Variants in C12orf75 observed in about 807,000 individuals in gnomAD.
C12orf75 encodes the protein chromosome 12 open reading frame 75.
In C12orf75, 4 loss-of-function variants were observed where a neutral mutation model predicts 11.4. That is an observed-to-expected ratio of 0.35 (90% CI 0.17 to 0.80). The LOEUF (loss-of-function observed/expected upper bound fraction) is 0.80, where lower values mean the gene tolerates loss of function less well. Among genes scored for constraint, C12orf75 ranks in the 30% least tolerant of loss-of-function variants. C12orf75 has a pLI of 0.52. For missense variants in C12orf75, 89 were observed against 80.4 expected (o/e 1.11, Z -0.41); for synonymous variants, 30 against 30.0 (o/e 1.00, Z 0.00).
chr12:105,356,956 G>A (rs893029976), intron 2 of C12orf75, among the ~76,000 whole-genome samples: 6 of 152,120 alleles, frequency 3.9e-5, no homozygotes, highest in Non-Finnish European at 8.8e-5. Flanking sequence ...TTTTAAATAG[G>A]CATGCAAAAA....
chr12:105,370,410 G>A (rs1218381527), intron 5 of C12orf75, among the ~76,000 whole-genome samples: 1 of 152,190 alleles, frequency 6.6e-6, no homozygotes, highest in African/African-American at 2.4e-5. Context: ...TTAATTGTAA[G>A]TTTGTAAGTC....
chr12:105,352,216 G>A (rs766899403), intron 2 of C12orf75, among the ~76,000 whole-genome samples: 51 of 152,308 alleles, frequency 3.3e-4, no homozygotes, highest in Non-Finnish European at 5.0e-4. Context: ...AAGTCATTGC[G>A]TGTGTCATGA....
intron 1 of C12orf75, among the ~76,000 whole-genome samples, chr12:105,340,519 C>T (rs997266750): frequency 2.6e-5 from 4 of 151,164 alleles, no homozygotes; most frequent in Non-Finnish European, 5.9e-5. Flanking sequence ...CCGTTTGTGT[C>T]GTGCATGATA....
At position 105,352,841 on chromosome 12, in the gene C12orf75, C is replaced by T. The variant is rs117704700; in HGVS notation, c.71+4215C>T. Among the ~76,000 whole-genome samples the T allele has an allele frequency of 3.1e-3, 470 of 152,278 alleles. 2 individuals carry two copies. The highest frequency in any genetic ancestry group is 0.013 in the South Asian group (61 of 4,818). On this transcript the variant is annotated intron_variant, in intron 2 of 5. Coordinates refer to ENST00000443585, the MANE Select transcript of C12orf75 (RefSeq NM_001145199.2). ...AAGCATGGTTGACAATGTCTAGAAA[C>T]TTAATCACCATAAGAAAAAGCCTAC...
At chr12:105,368,550 C>T (rs764033422) in intron 5 of C12orf75, among the ~76,000 whole-genome samples, 1 of 152,192 alleles carries the variant, frequency 6.6e-6, no homozygotes, top group Non-Finnish European at 1.5e-5. Context: ...TCATCGTCAT[C>T]ACCACCATAC....
chr12:105,333,156 G>A (rs533045937), intron 1 of C12orf75, among the ~76,000 whole-genome samples: 1 of 152,338 alleles, frequency 6.6e-6, no homozygotes, highest in Admixed American at 6.5e-5. Flanking sequence ...ATATGCCCTT[G>A]TCTTGGAGAA....
chr12:105,367,930 C>G (rs1022111274), intron 5 of C12orf75, among the ~76,000 whole-genome samples: 5 of 152,062 alleles, frequency 3.3e-5, no homozygotes, highest in Non-Finnish European at 7.4e-5. Flanking sequence ...TGTGTCAGTA[C>G]CAGAACTCCA....
intron 5 of C12orf75, 72 bp downstream of exon 5, chr12:105,367,581 T>A (rs901085990): frequency 2.6e-6 from 1 of 384,824 alleles, no homozygotes; most frequent in South Asian, 5.6e-5. Flanking sequence ...TATTATTTGC[T>A]CTATAAAAAA....
intron 2 of C12orf75, among the ~76,000 whole-genome samples, chr12:105,363,628 G>C (rs148579862): frequency 2.5e-3 from 379 of 152,142 alleles, no homozygotes; most frequent in Admixed American, 7.1e-3. Flanking sequence ...GGGAGGCTGA[G>C]GCAGGAGAAT....
Position 105,366,655 on chromosome 12 carries a change from C to T in C12orf75, c.146C>T (p.Ala49Val), listed in dbSNP as rs143241016. Residue 49 changes from alanine (A) to valine (V), a missense_variant, in exon 4 of 6, where the codon GCT becomes GTT. By Grantham distance (64) the Ala-to-Val change is moderately conservative (BLOSUM62 0). Transcript: ENST00000443585. The part of the protein sequence containing the change: ...GGVYVGLPSE[A>V]VNMVSSQTKT... Reference sequence around the variant, plus strand: ...GTATATGTTGGCCTACCATCTGAAGCTGTCAATATGGTGTCCAGTCAAACA... The same window carrying T: ...GTATATGTTGGCCTACCATCTGAAGTTGTCAATATGGTGTCCAGTCAAACA... 5.2e-6 allele frequency: 8 copies of T among 1,543,898 alleles called. No homozygotes were observed. The African/African-American group carries it at 1.1e-4, about 21-fold the overall frequency.
At position 105,365,473 on chromosome 12, in the gene C12orf75, G is replaced by A. The variant is rs1025212079; in HGVS notation, c.72-334G>A. ...AGCCTGTCTGTCACACAGGGAGTGG[G>A]TGGTACACACAAGACGATAACTCAG... On this transcript the variant is annotated intron_variant, in intron 2 of 5. Transcript: ENST00000443585. Among the ~76,000 whole-genome samples the A allele has an allele frequency of 2.0e-5, 3 of 152,184 alleles. No individual in the cohort carries two copies. In the South Asian group the frequency reaches 6.2e-4, roughly 32 times the overall value.
chr12:105,358,475 T>G (rs544385389), intron 2 of C12orf75, among the ~76,000 whole-genome samples: 1 of 152,304 alleles, frequency 6.6e-6, no homozygotes, highest in East Asian at 1.9e-4. Context: ...GAGCTATGAT[T>G]GTGCCACTGC....
At chr12:105,367,873 A>T (rs975211080) in intron 5 of C12orf75, among the ~76,000 whole-genome samples, 1 of 152,180 alleles carries the variant, frequency 6.6e-6, no homozygotes, top group Non-Finnish European at 1.5e-5. Flanking sequence ...TTAGATTAGA[A>T]TCGATTTTAA....
chr12:105,354,825 A>G (rs1892754773), intron 2 of C12orf75, among the ~76,000 whole-genome samples: 1 of 152,210 alleles, frequency 6.6e-6, no homozygotes, highest in Non-Finnish European at 1.5e-5. Flanking sequence ...CAAGTGCTGC[A>G]GAAATACTTG....
intron 1 of C12orf75, among the ~76,000 whole-genome samples, chr12:105,347,557 G>T (rs117540935): frequency 0.027 from 4,186 of 152,308 alleles, 103 homozygotes; most frequent in South Asian, 0.06. Context: ...AGGCCAGAAA[G>T]CTCAGCAAGT....
chr12:105,347,991 A>C (rs1386046547), intron 1 of C12orf75, among the ~76,000 whole-genome samples: 2 of 152,242 alleles, frequency 1.3e-5, no homozygotes, highest in African/African-American at 4.8e-5. Context: ...ATAAAATGTG[A>C]GGTTGGATTA....
chr12:105,341,338 T>C (rs2060204), intron 1 of C12orf75, among the ~76,000 whole-genome samples: 86,146 of 151,802 alleles, frequency 0.57, 24,727 homozygotes, highest in Non-Finnish European at 0.6. Context: ...CCTAATTCTT[T>C]GACACCAAGT....
intron 3 of C12orf75, chr12:105,366,343 G>A: frequency 3.1e-6 from 1 of 321,454 alleles, no homozygotes; most frequent in Non-Finnish European, 5.6e-6. Context: ...CTAATAAATT[G>A]TAACATCCCA....
At chr12:105,352,231 C>G (rs1198443402) in intron 2 of C12orf75, among the ~76,000 whole-genome samples, 2 of 152,044 alleles carry the variant, frequency 1.3e-5, no homozygotes, top group East Asian at 3.9e-4. Context: ...TCATGATGGC[C>G]ACATTGGTCA....
Sources: gnomAD v4.1 joint callset for allele counts (sites outside exome capture counted in the v4.1 genomes callset) on GRCh38, gnomAD v4.1.1 for gene constraint, MANE v1.5 for transcripts, NCBI Gene and HGNC (gene_info 2026-07-23, HGNC 2026-07-21) for gene names.